TACC1: variants seen among roughly 807,000 people sequenced by gnomAD.
TACC1 encodes the protein transforming acidic coiled-coil-containing protein 1.
Under a neutral mutation model 84.4 loss-of-function variants are expected in TACC1, and 48 were observed. That is an observed-to-expected ratio of 0.57 (90% CI 0.45 to 0.72). The LOEUF (loss-of-function observed/expected upper bound fraction) is 0.72, where lower values mean the gene tolerates loss of function less well. Ranked by LOEUF, TACC1 falls within the 30% of genes least tolerant of loss-of-function variation. The pLI, the probability that TACC1 is intolerant of heterozygous loss-of-function variation, is 0.00. For missense variants in TACC1, 920 were observed against 973.0 expected (o/e 0.95, Z 0.72); for synonymous variants, 372 against 376.3 (o/e 0.99, Z 0.13).
At chr8:38,789,208 A>G (rs960429823) in intron 2 of TACC1, among the ~76,000 whole-genome samples, 3 of 152,118 alleles carry the variant, frequency 2.0e-5, no homozygotes, top group Non-Finnish European at 4.4e-5. Flanking sequence ...TTAATTTTTG[A>G]TAGGGAGGTT....
chr8:38,738,865 T>C (rs1806503798), intron 1 of TACC1, among the ~76,000 whole-genome samples: 1 of 152,128 alleles, frequency 6.6e-6, no homozygotes, highest in South Asian at 2.1e-4. Flanking sequence ...TCTCAGCTGA[T>C]AGGGCAAGGA....
At chr8:38,761,013 C>A (rs1811111248) in intron 3 of TACC1, among the ~76,000 whole-genome samples, 1 of 152,184 alleles carries the variant, frequency 6.6e-6, no homozygotes, top group African/African-American at 2.4e-5. Context: ...GATTTGTGTG[C>A]TAATTCTACA....
intron 3 of TACC1, among the ~76,000 whole-genome samples, chr8:38,751,777 C>G (rs1809078938): frequency 6.6e-6 from 1 of 151,750 alleles, no homozygotes; most frequent in South Asian, 2.1e-4. Flanking sequence ...GCAATATTCA[C>G]TTTATTGCAG....
At position 38,851,922 on chromosome 8, in the gene TACC1, TCCAAAAAGGTTTGACTGG is replaced by T; in HGVS notation, c.*3902_*3919del. On this transcript the variant is annotated 3_prime_UTR_variant, in exon 13 of 13. Coordinates refer to ENST00000317827, the MANE Select transcript of TACC1 (RefSeq NM_006283.3). ...AAGAAGTATTTCGAGGAGATATCTG[TCCAAAAAGGTTTGACTGG>T]CCTCCAGATTCCAGTTATTTTTAAA... 1 of 451,170 alleles carries T rather than the reference TCCAAAAAGGTTTGACTGG, an allele frequency of 2.2e-6. No homozygotes were observed. The highest frequency in any genetic ancestry group is 1.6e-5 in the South Asian group (1 of 64,432). 27.9% of individuals were successfully genotyped at this position (451,170 alleles called of 1,614,324 possible).
At chr8:38,809,469 C>A (rs1270190996) in intron 2 of TACC1, among the ~76,000 whole-genome samples, 1 of 152,008 alleles carries the variant, frequency 6.6e-6, no homozygotes, top group Admixed American at 6.5e-5. Flanking sequence ...ACGGCTTTGC[C>A]CCATCACTGA....
At chr8:38,794,157 C>A (rs1392803469) in intron 2 of TACC1, among the ~76,000 whole-genome samples, 3 of 151,862 alleles carry the variant, frequency 2.0e-5, no homozygotes, top group African/African-American at 7.3e-5. Context: ...TTTCAATTGA[C>A]TCAAAGATCT....
At chr8:38,823,909 A>T in intron 3 of TACC1, 2 of 1,011,098 alleles carry the variant, frequency 2.0e-6, no homozygotes, top group South Asian at 1.2e-5. Context: ...GCCAGACTAG[A>T]GTTGAATATT....
At chr8:38,830,140 G>A (rs955620656) in intron 5 of TACC1, among the ~76,000 whole-genome samples, 3 of 152,184 alleles carry the variant, frequency 2.0e-5, no homozygotes, top group African/African-American at 7.2e-5. Flanking sequence ...TCACATTTGT[G>A]TTTTAAATAA....
At chr8:38,772,925 GGTTT>G (rs1355638594) in intron 3 of TACC1, among the ~76,000 whole-genome samples, 1 of 151,828 alleles carries the variant, frequency 6.6e-6, no homozygotes, top group African/African-American at 2.4e-5. Flanking sequence ...TATTGATTAA[GGTTT>G]GTATTAAGGT....
intron 1 of TACC1, among the ~76,000 whole-genome samples, chr8:38,729,818 G>A (rs1175080073): frequency 6.6e-6 from 1 of 152,160 alleles, no homozygotes; most frequent in Non-Finnish European, 1.5e-5. Flanking sequence ...ATAGTGAGCT[G>A]AGATCACGCC....
chr8:38,789,155 A>G (rs1161058851), intron 2 of TACC1, among the ~76,000 whole-genome samples: 1 of 152,192 alleles, frequency 6.6e-6, no homozygotes, highest in Non-Finnish European at 1.5e-5. Context: ...GTTGCTTTCT[A>G]CTGGGGTGTG....
intron 2 of TACC1, among the ~76,000 whole-genome samples, chr8:38,743,601 A>G (rs1309644647): frequency 6.6e-6 from 1 of 152,208 alleles, no homozygotes. Flanking sequence ...CTTAACTACA[A>G]GATAATGGTA....
chr8:38,846,828 A>G lies in TACC1; in HGVS notation c.2349+9A>G, dbSNP rs760819275. The stretch of plus-strand genomic sequence containing the variant: ...GGGCCCTGCAGCAGAAGGTACAGAA[A>G]GGGACCTGATCTGGGTGGCCACAGA... On this transcript the variant is annotated intron_variant, in intron 12 of 12. Coordinates refer to ENST00000317827, the MANE Select transcript of TACC1 (RefSeq NM_006283.3). 7 of 1,613,920 alleles carry G rather than the reference A, an allele frequency of 4.3e-6. No individual in the cohort carries two copies. The highest frequency in any genetic ancestry group is 5.9e-6 in the Non-Finnish European group (7 of 1,179,940).
intron 2 of TACC1, among the ~76,000 whole-genome samples, chr8:38,809,733 A>G (rs1050286138): frequency 6.6e-5 from 10 of 152,110 alleles, no homozygotes; most frequent in African/African-American, 2.4e-4. Context: ...GGTAACAGGA[A>G]AAAAAAGAAC....
In TACC1 at chr8:38,788,816, C is replaced by G; in HGVS notation, c.274C>G (p.Gln92Glu). 1 of 1,597,000 alleles carries G rather than the reference C, an allele frequency of 6.3e-7. No homozygotes were observed. The highest frequency in any genetic ancestry group is 8.5e-7 in the Non-Finnish European group (1 of 1,174,174). Residue 92 changes from glutamine to glutamate, a missense_variant, in exon 2 of 13, where the codon CAA (glutamine) becomes GAA (glutamate). By Grantham distance (29) the Gln-to-Glu change is conservative. This residue lies in a region of TACC1 where 762 missense variants were observed against 747.3 expected (regional missense o/e 1.02). Transcript: ENST00000317827. Reference sequence around the variant, plus strand: ...ATTGGCAGGACCTGGGGCCAAAAGCCAAGGTAAAGAAAAACTTGCATTTTT... The same window carrying G: ...ATTGGCAGGACCTGGGGCCAAAAGCGAAGGTAAAGAAAAACTTGCATTTTT... ...LGLAGPGAKS[Q>E]ESQEADEQLV...
At chr8:38,729,526 T>C (rs924373488) in intron 1 of TACC1, among the ~76,000 whole-genome samples, 1 of 152,322 alleles carries the variant, frequency 6.6e-6, no homozygotes, top group Non-Finnish European at 1.5e-5. Context: ...TGGGTTCACA[T>C]TTATTGTATA....
intron 3 of TACC1, among the ~76,000 whole-genome samples, chr8:38,767,639 C>T (rs955998023): frequency 1.3e-5 from 2 of 152,224 alleles, no homozygotes; most frequent in African/African-American, 4.8e-5. Context: ...ATGCCAGCCA[C>T]CATCCACTAA....
intron 3 of TACC1, among the ~76,000 whole-genome samples, chr8:38,778,433 G>GTCAGTGT (rs1180262956): frequency 6.6e-6 from 1 of 152,136 alleles, no homozygotes; most frequent in African/African-American, 2.4e-5. Context: ...GAAGACAGAG[G>GTCAGTGT]TCAGTGTGAC....
intron 8 of TACC1, chr8:38,839,708 G>C (rs960160159): frequency 5.5e-6 from 1 of 182,026 alleles, no homozygotes; most frequent in African/African-American, 2.3e-5. Flanking sequence ...TAGAAGAAAG[G>C]TTAACCCAAG....
Sources: allele counts gnomAD v4.1 joint callset (sites outside exome capture counted in the v4.1 genomes callset), GRCh38; gene constraint gnomAD v4.1.1; regional missense constraint gnomAD v4.1.1; transcripts MANE v1.5; gene names NCBI Gene and HGNC (gene_info 2026-07-23, HGNC 2026-07-21).